The following MYRIP variants were observed in gnomAD, a reference collection of about 807,000 sequenced individuals.
The protein encoded by MYRIP is myosin VIIA and Rab interacting protein.
Under a neutral mutation model 98.0 loss-of-function variants are expected in MYRIP, and 49 were observed. That is an observed-to-expected ratio of 0.50 (90% confidence interval 0.40 to 0.63). The LOEUF is 0.63. Ranked by LOEUF, MYRIP falls within the 30% of genes least tolerant of loss-of-function variation. The pLI, the probability that MYRIP is intolerant of heterozygous loss-of-function variation, is 0.00. For missense variants in MYRIP, 1,004 were observed against 1,058.2 expected, an observed-to-expected ratio of 0.95 and a Z score of 0.71; for synonymous variants, 404 against 409.5, an observed-to-expected ratio of 0.99 and a Z score of 0.16.
At chr3:40,164,512 G>C (rs1950463581) in intron 5 of MYRIP, among the ~76,000 whole-genome samples, 1 of 152,170 alleles carries the variant, frequency 6.6e-6, no homozygotes, top group Non-Finnish European at 1.5e-5. Context: ...CCACATTGTG[G>C]AGGGCAACCC....
At chr3:40,257,222 G>A (rs1480559881) in intron 16 of MYRIP, among the ~76,000 whole-genome samples, 1 of 152,118 alleles carries the variant, frequency 6.6e-6, no homozygotes, top group Non-Finnish European at 1.5e-5. Flanking sequence ...TACTGGAGAG[G>A]CTAAGGCGGG....
intron 12 of MYRIP, among the ~76,000 whole-genome samples, chr3:40,235,867 AG>A (rs778658097): frequency 6.6e-6 from 1 of 152,190 alleles, no homozygotes; most frequent in Non-Finnish European, 1.5e-5. Flanking sequence ...AACATTTAGA[AG>A]GGTTAAACAC....
chr3:40,186,224 C>A (rs1012566080), intron 9 of MYRIP, among the ~76,000 whole-genome samples: 11 of 152,068 alleles, frequency 7.2e-5, no homozygotes, highest in Non-Finnish European at 1.6e-4. Flanking sequence ...TTAGAAGGCC[C>A]AGAGGACTTT....
intron 3 of MYRIP, among the ~76,000 whole-genome samples, chr3:40,126,689 T>C (rs367829758): frequency 2.0e-5 from 3 of 152,398 alleles, no homozygotes; most frequent in African/African-American, 7.2e-5. Context: ...TCTTTTGTTC[T>C]TGGGATTTTT....
At chr3:39,825,374 C>T (rs913501073) in intron 1 of MYRIP, among the ~76,000 whole-genome samples, 1 of 152,080 alleles carries the variant, frequency 6.6e-6, no homozygotes, top group Non-Finnish European at 1.5e-5. Context: ...CCTTCTATAC[C>T]TAATTTATTG....
At chr3:39,908,517 C>T (rs796931147) in intron 2 of MYRIP, among the ~76,000 whole-genome samples, 5 of 152,212 alleles carry the variant, frequency 3.3e-5, no homozygotes, top group African/African-American at 1.2e-4. Flanking sequence ...GGAAGCAAAG[C>T]CTTTCTCAAA....
chr3:39,825,430 A>G (rs575658136), intron 1 of MYRIP, among the ~76,000 whole-genome samples: 1 of 152,160 alleles, frequency 6.6e-6, no homozygotes, highest in Admixed American at 6.5e-5. Flanking sequence ...AAATTTTTTC[A>G]TTGCATCTAT....
intron 1 of MYRIP, among the ~76,000 whole-genome samples, chr3:39,858,573 T>C (rs1023860664): frequency 7.3e-6 from 1 of 137,814 alleles, no homozygotes; most frequent in Non-Finnish European, 1.5e-5. Flanking sequence ...TTCCATCCAA[T>C]AGAAGCAAAA....
At chr3:39,847,848 C>T (rs1942014550) in intron 1 of MYRIP, among the ~76,000 whole-genome samples, 1 of 152,166 alleles carries the variant, frequency 6.6e-6, no homozygotes, top group Non-Finnish European at 1.5e-5. Context: ...TTATCCCCCT[C>T]ACCCCCCAAG....
At chr3:40,078,446 A>T (rs897580105) in intron 3 of MYRIP, among the ~76,000 whole-genome samples, 2 of 152,202 alleles carry the variant, frequency 1.3e-5, no homozygotes, top group Non-Finnish European at 2.9e-5. Context: ...AGAGCAAGCG[A>T]GGGCTGTGAG....
intron 3 of MYRIP, among the ~76,000 whole-genome samples, chr3:40,092,251 G>A (rs1043557976): frequency 6.6e-6 from 1 of 152,130 alleles, no homozygotes; most frequent in Admixed American, 6.5e-5. Flanking sequence ...AGTTTTTGCT[G>A]CTTGTTCATC....
intron 1 of MYRIP, among the ~76,000 whole-genome samples, chr3:39,870,709 C>A (rs1410866376): frequency 2.0e-5 from 3 of 152,080 alleles, no homozygotes. Flanking sequence ...TGTTTTCACG[C>A]CCTTTCTCTG....
At chr3:40,031,236 TC>T (rs758816091) in intron 2 of MYRIP, among the ~76,000 whole-genome samples, 60 of 152,048 alleles carry the variant, frequency 3.9e-4, no homozygotes, top group Admixed American at 1.4e-3. Flanking sequence ...GGCCCTGGAG[TC>T]CCATATATAA....
intron 3 of MYRIP, among the ~76,000 whole-genome samples, chr3:40,076,066 A>G (rs960318909): frequency 4.6e-5 from 7 of 152,134 alleles, no homozygotes; most frequent in Non-Finnish European, 1.0e-4. Context: ...TTAGCTAGGC[A>G]TAGTGGTGCA....
At chr3:39,965,844 A>G (rs183112858) in intron 2 of MYRIP, among the ~76,000 whole-genome samples, 1 of 152,330 alleles carries the variant, frequency 6.6e-6, no homozygotes, top group East Asian at 1.9e-4. Context: ...AAAATTGACA[A>G]TCACAAAATT....
intron 12 of MYRIP, chr3:40,238,595 A>G (rs1368499797): frequency 6.6e-6 from 1 of 152,194 alleles, no homozygotes; most frequent in Non-Finnish European, 1.5e-5. Flanking sequence ...TTCACCTTTA[A>G]AAATACTTCT....
intron 1 of MYRIP, among the ~76,000 whole-genome samples, chr3:39,821,779 A>G (rs1464109646): frequency 6.6e-6 from 1 of 151,886 alleles, no homozygotes; most frequent in East Asian, 1.9e-4. Context: ...ATTCATGGTG[A>G]CCAGAGAATA....
rs1281990631 is a variant in MYRIP, at chr3:40,170,032, A to G, written c.812A>G (p.Lys271Arg). 1.9e-6 allele frequency: 3 copies of G among 1,614,114 alleles called. No homozygotes were observed. Among genetic ancestry groups the G allele is most frequent in the Non-Finnish European group, 2.5e-6 (3 of 1,180,050 alleles). ...CCACATCCCCAGAGTTGCAGCACAA[A>G]GGTGGCAGATGAGGGGACCTCAGCA... ...GWPHPQSCST[K>R]VADEGTSASP... Residue 271 changes from lysine (K) to arginine (R), a missense_variant, in exon 8 of 17, where the codon AAG (lysine) becomes AGG (arginine). By Grantham distance (26) the Lys-to-Arg change is conservative. Coordinates refer to ENST00000302541, the MANE Select transcript of MYRIP (RefSeq NM_015460.4).
At chr3:39,920,349 C>G (rs931567289) in intron 2 of MYRIP, among the ~76,000 whole-genome samples, 4 of 152,094 alleles carry the variant, frequency 2.6e-5, no homozygotes, top group African/African-American at 9.7e-5. Context: ...TTATTCTCTA[C>G]AAGCAGAAAG....
Sources: allele counts gnomAD v4.1 joint callset (sites outside exome capture counted in the v4.1 genomes callset), GRCh38; gene constraint gnomAD v4.1.1; transcripts MANE v1.5; gene names NCBI Gene and HGNC (gene_info 2026-07-23, HGNC 2026-07-21).